SEC16A: variants seen among roughly 807,000 people sequenced by gnomAD.
SEC16A encodes SEC16 homolog A, endoplasmic reticulum export factor.
A neutral mutation model predicts 221.9 loss-of-function variants in SEC16A; 110 were observed. That is an observed-to-expected ratio of 0.50 (90% CI 0.42 to 0.58). The LOEUF (loss-of-function observed/expected upper bound fraction) is 0.58, where lower values mean the gene tolerates loss of function less well. Ranked by LOEUF, SEC16A falls within the 20% of genes least tolerant of loss-of-function variation. SEC16A has a pLI of 0.00. For missense variants in SEC16A, 3,165 were observed against 3,097.8 expected, an observed-to-expected ratio of 1.02 and a Z score of -0.52; for synonymous variants, 1,393 against 1,257.7, an observed-to-expected ratio of 1.11 and a Z score of -2.28.
chr9:136,475,142 T>C lies in SEC16A; in HGVS notation c.2474A>G (p.Asn825Ser), dbSNP rs368510870. 45 of 1,613,788 alleles carry C rather than the reference T, an allele frequency of 2.8e-5. No homozygotes were observed. Among genetic ancestry groups the C allele is most frequent in the Non-Finnish European group, 3.6e-5 (42 of 1,179,882 alleles). ...AGGCTGAGCAATCAAGACTGGAGGA[T>C]TCTGCAGAGACTCAGTGGGCGGTGA... ...LSSPPTESLQ[N>S]PPVLIAQPDH... Residue 825 changes from asparagine to serine, a missense_variant, in exon 3 of 32, where the codon AAT becomes AGT. Transcript: ENST00000684901. The surrounding 1 kb of genome is among the most constrained non-coding windows in gnomAD (Gnocchi z 5.0).
Position 136,474,436 on chromosome 9 carries a change from C to T in SEC16A, c.3180G>A (p.Glu1060=). The change falls in exon 3 of 32, where the codon GAG becomes GAA. Residue 1060 remains glutamate, a synonymous_variant. Transcript: ENST00000684901. ...AAGCCTGTTGCTGGGGTGGCACCAG[C>T]TCCTGCTGGGCTCTTTCGAGGCCAG... ...GQPGLERAQQ[E]LVPPQQQASP... is the part of the protein sequence containing the mutation. 6.2e-7 allele frequency: 1 copy of T among 1,613,122 alleles called. No individual in the cohort carries two copies. The highest frequency in any genetic ancestry group is 8.5e-7 in the Non-Finnish European group (1 of 1,179,898).
intron 4 of SEC16A, among the ~76,000 whole-genome samples, chr9:136,470,075 C>T (rs181580792): frequency 6.6e-6 from 1 of 152,250 alleles, no homozygotes. Flanking sequence ...TCTGACCACA[C>T]CAGGCCCAGA....
intron 5 of SEC16A, 136 bp from the exon 6 acceptor site, chr9:136,467,219 C>A: frequency 1.0e-6 from 1 of 966,916 alleles, no homozygotes; most frequent in Non-Finnish European, 1.5e-6. Context: ...TTCCTGGAAA[C>A]CAGCACGACA....
At chr9:136,471,297 G>A (rs576821670) in intron 4 of SEC16A, among the ~76,000 whole-genome samples, 19 of 134,318 alleles carry the variant, frequency 1.4e-4, no homozygotes, top group African/African-American at 3.9e-4. Flanking sequence ...TGAGACCCTC[G>A]TCTCTACAAA....
chr9:136,464,593 A>C (rs1446151775), intron 8 of SEC16A, 31 bp from the exon 9 acceptor site: 1 of 1,575,132 alleles, frequency 6.3e-7, no homozygotes, highest in East Asian at 2.3e-5. Context: ...AAAAGAAACA[A>C]TCAGCTTGTC....
At chr9:136,446,188 C>T (rs1836954504) in intron 28 of SEC16A, among the ~76,000 whole-genome samples, 1 of 151,610 alleles carries the variant, frequency 6.6e-6, no homozygotes. Context: ...TCACTGCAAC[C>T]TCTGCCTCCT....
At chr9:136,479,049 A>G (rs1842002032) in intron 1 of SEC16A, among the ~76,000 whole-genome samples, 1 of 152,202 alleles carries the variant, frequency 6.6e-6, no homozygotes, top group Non-Finnish European at 1.5e-5. Flanking sequence ...AGGAAACTTA[A>G]AGCAGCTTTA....
chr9:136,462,939 A>C lies in SEC16A; in HGVS notation c.4841T>G (p.Leu1614Arg), dbSNP rs556844298. 3 of 1,605,158 alleles carry C rather than the reference A, an allele frequency of 1.9e-6. No homozygotes were observed. The highest frequency in any genetic ancestry group is 2.5e-6 in the Non-Finnish European group (3 of 1,179,844). Residue 1614 changes from leucine (L) to arginine (R), a missense_variant, in exon 12 of 32, where the codon CTC becomes CGC. Leu to Arg is a moderately radical substitution (Grantham distance 102). Coordinates refer to ENST00000684901, the MANE Select transcript of SEC16A (RefSeq NM_014866.2). Reference sequence around the variant, plus strand: ...CCTGAACCTCTCGGTCTCTCTCTCGAGCGAGCTGGCGGCAGCCGCCGGACC... The same window carrying C: ...CCTGAACCTCTCGGTCTCTCTCTCGCGCGAGCTGGCGGCAGCCGCCGGACC... The part of the protein sequence containing the change: ...TGGPAAAASS[L>R]ERETERFREL...
intron 4 of SEC16A, among the ~76,000 whole-genome samples, chr9:136,470,394 G>T (rs1457470172): frequency 6.6e-6 from 1 of 152,182 alleles, no homozygotes; most frequent in Admixed American, 6.5e-5. Flanking sequence ...AAGGAAAACG[G>T]AACAGTGAGA....
intron 18 of SEC16A, 84 bp downstream of exon 18, chr9:136,457,360 C>T: frequency 6.8e-7 from 1 of 1,466,686 alleles, no homozygotes; most frequent in Admixed American, 2.1e-5. Context: ...TGAACCATCG[C>T]TACCCCCATG....
Position 136,457,568 on chromosome 9 carries a change from T to TA in SEC16A, c.5425dup (p.Tyr1809LeufsTer19). 6.2e-7 allele frequency: 1 copy of TA among 1,610,318 alleles called. No homozygotes were observed. The highest frequency in any genetic ancestry group is 8.5e-7 in the Non-Finnish European group (1 of 1,178,044). On this transcript the variant is annotated frameshift_variant, in exon 18 of 32. Coordinates refer to ENST00000684901, the MANE Select transcript of SEC16A (RefSeq NM_014866.2). LOFTEE classifies it high-confidence loss of function. ...CCCCATTTCCGCCAGGCGGCAGGAG[T>TA]AGATGAACTTAAACACCTGAAACGA...
Position 136,459,560 on chromosome 9 carries a change from G to A in SEC16A, c.5192-5C>T, listed in dbSNP as rs201595896. On this transcript the variant is annotated splice_polypyrimidine_tract_variant and splice_region_variant and intron_variant, in intron 15 of 31. Coordinates refer to ENST00000684901, the MANE Select transcript of SEC16A (RefSeq NM_014866.2). The surrounding 1 kb of genome is among the most constrained non-coding windows in gnomAD (Gnocchi z 6.1). ...CATCCAAGAGGCCCCTTGAAGCTGC[G>A]GAGAGACGACACGACACACGGCGGG... 4.7e-4 allele frequency: 747 copies of A among 1,583,392 alleles called. 1 individual carries two copies. Among genetic ancestry groups the A allele is most frequent in the Middle Eastern group, 1.5e-3 (9 of 6,024 alleles).
rs772352489 is a variant in SEC16A, at chr9:136,447,018, C to A, written c.6698-69G>T. 5 of 1,606,614 alleles carry A rather than the reference C, an allele frequency of 3.1e-6. No homozygotes were observed. The highest frequency in any genetic ancestry group is 3.4e-6 in the Non-Finnish European group (4 of 1,177,460). On this transcript the variant is annotated intron_variant, in intron 27 of 31. Coordinates refer to ENST00000684901, the MANE Select transcript of SEC16A (RefSeq NM_014866.2). This position sits in a 1 kb window ranked among gnomAD's most constrained non-coding sequence, Gnocchi z 5.5. ...TCCCTGGGGTCTCACTGAAGACACT[C>A]CGAGAGGAAGAGAGTTTCACACTGC...
At position 136,451,316 on chromosome 9, in the gene SEC16A, G is replaced by A. The variant is rs368036714; in HGVS notation, c.6252C>T (p.Pro2084=). The A allele has an allele frequency of 1.3e-4, 209 of 1,613,620 alleles. No homozygotes were observed. The African/African-American group carries it at 2.2e-3, about 17-fold the overall frequency. The change falls in exon 23 of 32, where the codon CCC becomes CCT. Residue 2084 remains proline (P), a synonymous_variant. Transcript: ENST00000684901. ...GTCCGGGTCTCTTTGTTTCGGGAGCGGGTGAGAGAGACAGAGGTGGCTGCG... is the reference window on the plus strand; with the variant it reads ...GTCCGGGTCTCTTTGTTTCGGGAGCAGGTGAGAGAGACAGAGGTGGCTGCG... ...GPTQPPLSLS[P]APETKRPGQA... is the part of the protein sequence containing the mutation.
At chr9:136,443,608 G>A (rs1443777884) in intron 31 of SEC16A, among the ~76,000 whole-genome samples, 1 of 152,210 alleles carries the variant, frequency 6.6e-6, no homozygotes, top group Non-Finnish European at 1.5e-5. Context: ...TTCAGCCCAG[G>A]AAGTTATGGC....
rs113191834 is a variant in SEC16A, at chr9:136,474,040, G to A, written c.3567+9C>T. The A allele has an allele frequency of 1.8e-4, 286 of 1,589,154 alleles. No individual in the cohort carries two copies. In the African/African-American group the frequency reaches 2.5e-3, roughly 14 times the overall value. Reference sequence around the variant, plus strand: ...GAAAAGTGGGTTACACATACGACTCGACTCTTACCTGGTAATAGAGGGAGG... The same window carrying A: ...GAAAAGTGGGTTACACATACGACTCAACTCTTACCTGGTAATAGAGGGAGG... On this transcript the variant is annotated intron_variant, in intron 3 of 31. Coordinates refer to ENST00000684901, the MANE Select transcript of SEC16A (RefSeq NM_014866.2).
In SEC16A at chr9:136,476,579, C is replaced by T. The variant is rs201222771; in HGVS notation, c.1037G>A (p.Arg346His). Residue 346 changes from arginine to histidine, a missense_variant, in exon 3 of 32, where the codon CGT becomes CAT. Arg to His is a conservative substitution (Grantham distance 29). Transcript: ENST00000684901. Reference protein sequence around the residue: ...PLARGDSPENRTHHPLGAGAG... With the variant: ...PLARGDSPENHTHHPLGAGAG... ...CCCAGCCCCCAGTGGGTGGTGCGTA[C>T]GGTTTTCTGGGCTATCTCCCCGGGC... 2,701 of 1,607,060 alleles carry T rather than the reference C, an allele frequency of 1.7e-3. 4 individuals carry two copies. Among genetic ancestry groups the T allele is most frequent in the Non-Finnish European group, 2.1e-3 (2,447 of 1,175,290 alleles).
chr9:136,470,362 C>A (rs1201964447), intron 4 of SEC16A, among the ~76,000 whole-genome samples: 1 of 152,206 alleles, frequency 6.6e-6, no homozygotes, highest in East Asian at 1.9e-4. Flanking sequence ...CTAGGTGAGC[C>A]TGGCAGGGCG....
intron 8 of SEC16A, among the ~76,000 whole-genome samples, chr9:136,464,819 T>C (rs1278513970): frequency 2.0e-5 from 3 of 152,234 alleles, no homozygotes; most frequent in Non-Finnish European, 4.4e-5. Context: ...AACACCCTCA[T>C]GAGCCGCCCT....
Sources: gnomAD v4.1 joint callset for allele counts (sites outside exome capture counted in the v4.1 genomes callset) on GRCh38, gnomAD v4.1.1 for gene constraint, Gnocchi (gnomAD v3.1) non-coding constraint, MANE v1.5 for transcripts, NCBI Gene and HGNC (gene_info 2026-07-23, HGNC 2026-07-21) for gene names.